The following ATP6V0A1 variants were observed in gnomAD, a reference collection of about 807,000 sequenced individuals.
The protein encoded by ATP6V0A1 is V-type proton ATPase 116 kDa subunit a 1.
Under a neutral mutation model 105.4 loss-of-function variants are expected in ATP6V0A1, and 43 were observed. That is an observed-to-expected ratio of 0.41 (90% CI 0.32 to 0.53). The LOEUF is 0.53. ATP6V0A1 is among the 20% of genes least tolerant of loss of function. The pLI is 0.30. For synonymous variants in ATP6V0A1, 362 were observed against 372.8 expected (o/e 0.97, Z 0.33); for missense variants, 676 against 1,051.1 (o/e 0.64, Z 4.93).
In ATP6V0A1 at chr17:42,521,177, C is replaced by A; in HGVS notation, c.*57C>A. On this transcript the variant is annotated 3_prime_UTR_variant, in exon 22 of 22. Coordinates refer to ENST00000343619, the MANE Select transcript of ATP6V0A1 (RefSeq NM_001130021.3). This position sits in a 1 kb window ranked among gnomAD's most constrained non-coding sequence, Gnocchi z 4.8. ...CCTCCCCGCCTCCCTCCACAGTGAT[C>A]AGCTGTGCCTCTCTGCCTGTTGGTT... 1 of 1,422,028 alleles carries A rather than the reference C, an allele frequency of 7.0e-7. No individual in the cohort carries two copies. The highest frequency in any genetic ancestry group is 9.6e-7 in the Non-Finnish European group (1 of 1,038,538). The allele number at this position is 1,422,028 out of a possible 1,614,324, so 88.1% of individuals were successfully genotyped here. A position where few individuals can be genotyped will look rare whatever the true frequency, so the allele number is the denominator to read the frequency against.
At chr17:42,519,085 G>C (rs1175966599) in intron 21 of ATP6V0A1, 2 of 152,390 alleles carry the variant, frequency 1.3e-5, no homozygotes, top group African/African-American at 4.8e-5. Context: ...TAAAGCAGCA[G>C]CTGGTGGGAG....
In ATP6V0A1 at chr17:42,487,105, C is replaced by G. The variant is rs2090179623; in HGVS notation, c.811-50C>G. 1.3e-6 allele frequency: 2 copies of G among 1,574,104 alleles called. 1 individual carries two copies. On this transcript the variant is annotated intron_variant, in intron 9 of 21. Transcript: ENST00000343619. ...CTCTTTGCCATTCATACCCTGAGAT[C>G]TAAAACTGGTGTTAAAAGGATCCCT...
At chr17:42,496,895 G>A (rs1452087780) in intron 14 of ATP6V0A1, among the ~76,000 whole-genome samples, 3 of 152,060 alleles carry the variant, frequency 2.0e-5, no homozygotes, top group Non-Finnish European at 4.4e-5. Flanking sequence ...TAGACTGTGG[G>A]AAAATATATA....
chr17:42,477,572 C>T, intron 5 of ATP6V0A1, 88 bp from the exon 6 acceptor site: 2 of 1,363,748 alleles, frequency 1.5e-6, no homozygotes, highest in East Asian at 4.8e-5. Flanking sequence ...GAACCTGTCT[C>T]CTGGTTCCTC....
intron 4 of ATP6V0A1, among the ~76,000 whole-genome samples, 157 bp from the exon 5 acceptor site, chr17:42,469,933 A>C (rs1431455103): frequency 1.3e-5 from 2 of 152,188 alleles, no homozygotes; most frequent in Non-Finnish European, 2.9e-5. Context: ...AATTTCCATA[A>C]AGAAAATTGC....
At chr17:42,467,932 TGTTAATTCTTTTC>T (rs1462152002) in intron 3 of ATP6V0A1, 65 bp from the exon 4 acceptor site, 4 of 851,132 alleles carry the variant, frequency 4.7e-6, no homozygotes, top group African/African-American at 1.8e-5. Context: ...AGGTCTTAGA[TGTTAATTCTTTTC>T]CTTAAATAAT....
At chr17:42,505,898 C>T (rs115329119) in intron 17 of ATP6V0A1, among the ~76,000 whole-genome samples, 283 of 151,900 alleles carry the variant, frequency 1.9e-3, no homozygotes, top group African/African-American at 6.7e-3. Context: ...AGCAGTTGTC[C>T]TGCTTCAGCC....
intron 19 of ATP6V0A1, chr17:42,513,313 GAAA>G (rs1172346467): frequency 6.5e-6 from 1 of 152,700 alleles, no homozygotes; most frequent in Non-Finnish European, 1.5e-5. Flanking sequence ...AGTCACAAAA[GAAA>G]AAGAAGGTTA....
intron 21 of ATP6V0A1, among the ~76,000 whole-genome samples, chr17:42,515,024 G>A (rs1319331130): frequency 6.6e-6 from 1 of 152,054 alleles, no homozygotes; most frequent in Non-Finnish European, 1.5e-5. Flanking sequence ...GCAGGTTTGG[G>A]GTGGTTCTGT....
rs1336752154 is a variant in ATP6V0A1, at chr17:42,520,546, C to T, written c.2421-481C>T. The T allele has an allele frequency of 6.6e-6, 3 of 456,820 alleles. No individual in the cohort carries two copies. The Admixed American group carries it at 7.0e-5, about 11-fold the overall frequency. 28.3% of individuals were successfully genotyped at this position (456,820 alleles called of 1,614,324 possible). On this transcript the variant is annotated intron_variant, in intron 21 of 21. Coordinates refer to ENST00000343619, the MANE Select transcript of ATP6V0A1 (RefSeq NM_001130021.3). ...CCCCCTCTTTCCTTGGAATTTCCTTCCTTAAATGGAAAGCCTTCAACATTC... is the reference window on the plus strand; with the variant it reads ...CCCCCTCTTTCCTTGGAATTTCCTTTCTTAAATGGAAAGCCTTCAACATTC...
chr17:42,481,615 A>C (rs2089515175), intron 8 of ATP6V0A1, among the ~76,000 whole-genome samples: 2 of 152,162 alleles, frequency 1.3e-5, no homozygotes, highest in Admixed American at 6.5e-5. Flanking sequence ...AGGCCAAGGC[A>C]GGAGGATTGC....
chr17:42,486,501 CCT>C (rs1264832581), intron 9 of ATP6V0A1, among the ~76,000 whole-genome samples: 2 of 152,146 alleles, frequency 1.3e-5, no homozygotes, highest in African/African-American at 4.8e-5. Context: ...CACTGTAATT[CCT>C]CTGAGGGAAA....
intron 10 of ATP6V0A1, among the ~76,000 whole-genome samples, chr17:42,489,149 T>G (rs1233019330): frequency 2.0e-5 from 3 of 149,612 alleles, no homozygotes; most frequent in Non-Finnish European, 3.0e-5. Context: ...CTCGGCTCAC[T>G]GCAACCTCCA....
chr17:42,488,842 G>A (rs552360016), intron 10 of ATP6V0A1, among the ~76,000 whole-genome samples: 46 of 151,514 alleles, frequency 3.0e-4, no homozygotes, highest in Non-Finnish European at 4.9e-4. Context: ...ACAAAACCCC[G>A]TCTCTACTAA....
intron 14 of ATP6V0A1, among the ~76,000 whole-genome samples, chr17:42,496,909 TA>T (rs2091235730): frequency 6.6e-6 from 1 of 151,990 alleles, no homozygotes; most frequent in African/African-American, 2.4e-5. Flanking sequence ...ATATATAAGA[TA>T]AACAACCCAA....
intron 5 of ATP6V0A1, among the ~76,000 whole-genome samples, chr17:42,473,248 T>A (rs993600862): frequency 2.0e-5 from 3 of 152,190 alleles, no homozygotes; most frequent in Admixed American, 6.5e-5. Context: ...ACTCTAAGTG[T>A]TTAAGGTCTT....
Position 42,499,010 on chromosome 17 carries a change from G to C in ATP6V0A1, c.1647G>C (p.Leu549=), listed in dbSNP as rs746445715. The C allele has an allele frequency of 1.8e-5, 29 of 1,612,410 alleles. No individual in the cohort carries two copies. The South Asian group carries it at 3.1e-4, about 17-fold the overall frequency. The change falls in exon 15 of 22, where the codon CTG becomes CTC. Residue 549 remains leucine, a synonymous_variant. Transcript: ENST00000343619. ...MSVILGIIHM[L]FGVSLSLFNH... The stretch of plus-strand genomic sequence containing the variant: ...TTATCCTTGGTATCATCCATATGCT[G>C]TTTGGAGTCAGCCTGAGTCTGTTCA...
At chr17:42,467,323 C>T (rs1414895387) in intron 3 of ATP6V0A1, among the ~76,000 whole-genome samples, 1 of 152,128 alleles carries the variant, frequency 6.6e-6, no homozygotes, top group Non-Finnish European at 1.5e-5. Flanking sequence ...AGATCATAAA[C>T]AGTTATGATG....
intron 14 of ATP6V0A1, among the ~76,000 whole-genome samples, chr17:42,497,134 C>T (rs901365929): frequency 3.3e-5 from 5 of 150,978 alleles, no homozygotes; most frequent in African/African-American, 1.2e-4. Context: ...GAAACCCCAT[C>T]TCTACCAGAA....
Sources: allele counts gnomAD v4.1 joint callset (sites outside exome capture counted in the v4.1 genomes callset), GRCh38; gene constraint gnomAD v4.1.1; non-coding constraint Gnocchi (gnomAD v3.1); transcripts MANE v1.5; gene names NCBI Gene and HGNC (gene_info 2026-07-23, HGNC 2026-07-21).